TNFRSF13B: variants seen among roughly 807,000 people sequenced by gnomAD.
TNFRSF13B encodes the protein TNF receptor superfamily member 13B, also known as tumor necrosis factor receptor superfamily member 13B.
In TNFRSF13B, 34 loss-of-function variants were observed where a neutral mutation model predicts 24.0. The observed-to-expected ratio is 1.41, with a 90% CI of 1.08 to 1.88. TNFRSF13B has a LOEUF of 1.88. TNFRSF13B is among the 40% of genes most tolerant of loss of function. The pLI, the probability that TNFRSF13B is intolerant of heterozygous loss-of-function variation, is 0.00. For missense variants in TNFRSF13B, 415 were observed against 380.8 expected (o/e 1.09, Z -0.75); for synonymous variants, 173 against 150.3 (o/e 1.15, Z -1.10).
intron 1 of TNFRSF13B, among the ~76,000 whole-genome samples, 163 bp downstream of exon 1, chr17:16,971,852 C>G (rs112023998): frequency 3.2e-4 from 49 of 152,272 alleles, no homozygotes; most frequent in African/African-American, 1.2e-3. Context: ...CATCCAGACT[C>G]GGGGCTCTCC....
chr17:16,961,968 G>A (rs994098859), intron 1 of TNFRSF13B, among the ~76,000 whole-genome samples: 4 of 152,166 alleles, frequency 2.6e-5, no homozygotes, highest in African/African-American at 9.7e-5. Flanking sequence ...TCAGCAGAGA[G>A]GAAGATGGAC....
chr17:16,940,817 CGACAGACG>C, intron 3 of TNFRSF13B: 3 of 1,308,186 alleles, frequency 2.3e-6, no homozygotes, highest in South Asian at 3.2e-5. Context: ...ATGGGTGAAT[CGACAGACG>C]AACAGACGAT....
chr17:16,949,618 C>T (rs959039367), intron 2 of TNFRSF13B, among the ~76,000 whole-genome samples: 8 of 152,004 alleles, frequency 5.3e-5, no homozygotes, highest in African/African-American at 1.2e-4. Context: ...GTGGACCCAA[C>T]TTTGAATGCA....
chr17:16,947,282 A>G (rs1468065993), intron 3 of TNFRSF13B, among the ~76,000 whole-genome samples: 1 of 152,246 alleles, frequency 6.6e-6, no homozygotes, highest in Non-Finnish European at 1.5e-5. Context: ...CATCCTGGAC[A>G]TTGGCCCTGG....
intron 1 of TNFRSF13B, among the ~76,000 whole-genome samples, chr17:16,967,784 A>C (rs2087714323): frequency 6.7e-6 from 1 of 149,730 alleles, no homozygotes; most frequent in Non-Finnish European, 1.5e-5. Context: ...AAAGAAAGAA[A>C]AAAAAAAGAA....
At chr17:16,950,573 C>T (rs376950496) in intron 2 of TNFRSF13B, among the ~76,000 whole-genome samples, 5 of 152,156 alleles carry the variant, frequency 3.3e-5, no homozygotes, top group Non-Finnish European at 7.4e-5. Flanking sequence ...ATCCCCAGGG[C>T]GCCCCTGAAC....
intron 1 of TNFRSF13B, among the ~76,000 whole-genome samples, chr17:16,957,646 C>T (rs2087634214): frequency 6.6e-6 from 1 of 152,182 alleles, no homozygotes; most frequent in Non-Finnish European, 1.5e-5. Context: ...AATACGGTAA[C>T]AGCTGATTTC....
intron 2 of TNFRSF13B, among the ~76,000 whole-genome samples, chr17:16,951,770 C>T (rs1399212860): frequency 6.6e-6 from 1 of 152,134 alleles, no homozygotes; most frequent in East Asian, 1.9e-4. Context: ...TGCCTGTAAT[C>T]CCAGCTACTC....
chr17:16,961,759 C>A (rs149497115), intron 1 of TNFRSF13B, among the ~76,000 whole-genome samples: 2 of 152,256 alleles, frequency 1.3e-5, no homozygotes, highest in African/African-American at 4.8e-5. Context: ...AAGTAGAAAG[C>A]AGAAAGTAAG....
rs1454160068 is a variant in TNFRSF13B at position 16,967,574 on chromosome 17, G to A, written c.61+4441C>T. ...ACCTGACCTAACATAGTGAAACCCC[G>A]TCTCTACTAAAAATATATAAAAAAA... On this transcript the variant is annotated intron_variant, in intron 1 of 4. Transcript: ENST00000261652. Among the ~76,000 whole-genome samples the A allele has an allele frequency of 4.0e-5, 6 of 150,908 alleles. No individual in the cohort carries two copies. The East Asian group carries it at 9.8e-4, about 25-fold the overall frequency.
At chr17:16,950,867 A>G (rs1322242578) in intron 2 of TNFRSF13B, among the ~76,000 whole-genome samples, 1 of 151,536 alleles carries the variant, frequency 6.6e-6, no homozygotes, top group Admixed American at 6.6e-5. Flanking sequence ...TGATTTCCGC[A>G]TTCTGTGACC....
At chr17:16,964,154 A>G (rs2087683006) in intron 1 of TNFRSF13B, among the ~76,000 whole-genome samples, 2 of 152,022 alleles carry the variant, frequency 1.3e-5, no homozygotes, top group South Asian at 4.2e-4. Context: ...GACAGGGAAG[A>G]GAAGGAGAGA....
intron 4 of TNFRSF13B, 183 bp from the exon 5 acceptor site, chr17:16,939,980 G>A: frequency 1.9e-6 from 2 of 1,032,786 alleles, no homozygotes; most frequent in Non-Finnish European, 2.7e-6. Context: ...GGGCAGGGGT[G>A]GGCAGGCAAT....
At chr17:16,961,729 A>G (rs2087664020) in intron 1 of TNFRSF13B, among the ~76,000 whole-genome samples, 1 of 152,222 alleles carries the variant, frequency 6.6e-6, no homozygotes, top group Non-Finnish European at 1.5e-5. Flanking sequence ...CATTATATAT[A>G]TTTTACCAGC....
rs1445678342 is a variant in TNFRSF13B at position 16,967,775 on chromosome 17, AAGAAAG to A, written c.61+4234_61+4239del. Among the ~76,000 whole-genome samples, 31 of 147,564 alleles carry A rather than the reference AAGAAAG, an allele frequency of 2.1e-4. 2 individuals are homozygous for A. Among genetic ancestry groups the A allele is most frequent in the African/African-American group, 7.8e-4 (31 of 39,900 alleles). ...TCAAAAAAAAAAAAAAAAAAAAAGA[AAGAAAG>A]AAAAAAAAAAGAAACCAAACACACT... is the stretch of plus-strand genomic sequence containing the variant. On this transcript the variant is annotated intron_variant, in intron 1 of 4. Coordinates refer to ENST00000261652, the MANE Select transcript of TNFRSF13B (RefSeq NM_012452.3).
intron 3 of TNFRSF13B, among the ~76,000 whole-genome samples, chr17:16,943,121 G>C (rs936167098): frequency 2.0e-5 from 3 of 152,224 alleles, no homozygotes; most frequent in African/African-American, 7.2e-5. Context: ...CCATCTGCAT[G>C]ACAGACCCCA....
At chr17:16,970,286 TGGGCTG>T (rs1271936855) in intron 1 of TNFRSF13B, among the ~76,000 whole-genome samples, 3 of 152,132 alleles carry the variant, frequency 2.0e-5, no homozygotes, top group Admixed American at 1.3e-4. Context: ...ACTAGCTGTG[TGGGCTG>T]GGCTCAGACT....
chr17:16,951,626 C>T (rs1291699826), intron 2 of TNFRSF13B, among the ~76,000 whole-genome samples: 12 of 152,312 alleles, frequency 7.9e-5, no homozygotes, highest in African/African-American at 2.4e-4. Context: ...CAGTGGCTCA[C>T]GCCTGTAATC....
chr17:16,940,379 C>G lies in TNFRSF13B; in HGVS notation c.578G>C (p.Cys193Ser). 7 of 1,614,034 alleles carry G rather than the reference C, an allele frequency of 4.3e-6. No individual in the cohort carries two copies. The highest frequency in any genetic ancestry group is 5.9e-6 in the Non-Finnish European group (7 of 1,180,022). Reference protein sequence around the residue: ...ACFLKKRGDPCSCQPRSRPRQ... With the variant: ...ACFLKKRGDPSSCQPRSRPRQ... ...GGGCCTTGAGCGGGGCTGGCAGGAGCAGGGATCCCCCCTCTTCTTGAGGAA... is the reference window on the plus strand; with the variant it reads ...GGGCCTTGAGCGGGGCTGGCAGGAGGAGGGATCCCCCCTCTTCTTGAGGAA... Residue 193 changes from cysteine to serine, a missense_variant, in exon 4 of 5, where the codon TGC (cysteine) becomes TCC (serine). Cys to Ser is a moderately radical substitution (Grantham distance 112, BLOSUM62 -1). Transcript: ENST00000261652.
Sources: gnomAD v4.1 joint callset for allele counts (sites outside exome capture counted in the v4.1 genomes callset) on GRCh38, gnomAD v4.1.1 for gene constraint, MANE v1.5 for transcripts, NCBI Gene and HGNC (gene_info 2026-07-23, HGNC 2026-07-21) for gene names.